The following CSMD1 variants were observed in gnomAD, a reference collection of about 807,000 sequenced individuals.
The protein encoded by CSMD1 is CUB and Sushi multiple domains 1.
Under a neutral mutation model 417.5 loss-of-function variants are expected in CSMD1, and 213 were observed. The ratio of observed to expected loss-of-function variants is 0.51; its 90% CI spans 0.46 to 0.57. The LOEUF (loss-of-function observed/expected upper bound fraction) is 0.57. Ranked by LOEUF, CSMD1 falls within the 20% of genes least tolerant of loss-of-function variation. The pLI is 0.00. For missense variants in CSMD1, 6,923 were observed against 4,529.7 expected (o/e 1.53, Z -15.17); for synonymous variants, 2,862 against 1,736.8 (o/e 1.65, Z -16.11).
intron 1 of CSMD1, among the ~76,000 whole-genome samples, chr8:4,842,848 C>A (rs1277559533): frequency 2.0e-5 from 3 of 152,134 alleles, no homozygotes; most frequent in Non-Finnish European, 2.9e-5. Flanking sequence ...GCTGTTAAAT[C>A]TTTTTTCAAC....
chr8:3,821,796 G>GCAAGCAAA (rs1801751862), intron 5 of CSMD1, among the ~76,000 whole-genome samples: 1 of 151,828 alleles, frequency 6.6e-6, no homozygotes, highest in South Asian at 2.1e-4. Flanking sequence ...AAACAAACAA[G>GCAAGCAAA]CAAACAAACA....
intron 5 of CSMD1, among the ~76,000 whole-genome samples, chr8:3,758,681 T>C (rs1372013130): frequency 1.3e-5 from 2 of 152,202 alleles, no homozygotes; most frequent in Non-Finnish European, 2.9e-5. Flanking sequence ...AAGAAAAGAA[T>C]TCAACTGAAT....
intron 5 of CSMD1, among the ~76,000 whole-genome samples, chr8:3,969,974 G>C (rs1052046943): frequency 4.8e-5 from 7 of 146,224 alleles, no homozygotes; most frequent in African/African-American, 1.5e-4. Flanking sequence ...ACTCAGGGAA[G>C]AGTTGTCAGT....
intron 58 of CSMD1, 69 bp downstream of exon 58, chr8:2,966,501 T>A: frequency 7.0e-7 from 1 of 1,424,780 alleles, no homozygotes; most frequent in Non-Finnish European, 9.6e-7. Flanking sequence ...CACCTTAAAG[T>A]CATTTTTTTT....
At chr8:3,476,370 C>T (rs981695089) in intron 11 of CSMD1, among the ~76,000 whole-genome samples, 3 of 152,104 alleles carry the variant, frequency 2.0e-5, no homozygotes, top group Non-Finnish European at 4.4e-5. Context: ...AAAGAATATT[C>T]ACAATGTTTC....
intron 3 of CSMD1, among the ~76,000 whole-genome samples, chr8:4,111,911 C>A (rs961063216): frequency 6.6e-6 from 1 of 152,100 alleles, no homozygotes; most frequent in East Asian, 1.9e-4. Flanking sequence ...AGCACATGTA[C>A]CCCAGAACTT....
At chr8:4,792,592 C>T (rs1219300808) in intron 1 of CSMD1, among the ~76,000 whole-genome samples, 1 of 152,172 alleles carries the variant, frequency 6.6e-6, no homozygotes, top group Non-Finnish European at 1.5e-5. Flanking sequence ...ATGCAAGAAA[C>T]TGTTGAATAG....
chr8:4,108,049 CAGAGACAG>C (rs1563133495), intron 3 of CSMD1, among the ~76,000 whole-genome samples: 3 of 2,228 alleles, frequency 1.3e-3, no homozygotes, highest in East Asian at 0.018. Context: ...GAAAGAGAGA[CAGAGACAG>C]AGACAGAGAC....
chr8:3,863,516 C>T (rs1023165773), intron 5 of CSMD1, among the ~76,000 whole-genome samples: 1 of 151,996 alleles, frequency 6.6e-6, no homozygotes, highest in Non-Finnish European at 1.5e-5. Flanking sequence ...ATATTGGGCT[C>T]CAACATTCAA....
chr8:3,267,274 C>A (rs1301268207), intron 26 of CSMD1, among the ~76,000 whole-genome samples: 1 of 152,202 alleles, frequency 6.6e-6, no homozygotes, highest in Non-Finnish European at 1.5e-5. Flanking sequence ...GGGAAACCCC[C>A]TGATAGCTTT....
intron 5 of CSMD1, among the ~76,000 whole-genome samples, chr8:3,875,985 T>A (rs1585125910): frequency 7.3e-6 from 1 of 137,584 alleles, no homozygotes; most frequent in African/African-American, 3.4e-5. Context: ...AAGGGCCACA[T>A]GTCTTACATT....
At chr8:3,364,092 A>G (rs1585055891) in intron 20 of CSMD1, among the ~76,000 whole-genome samples, 1 of 152,312 alleles carries the variant, frequency 6.6e-6, no homozygotes, top group South Asian at 2.1e-4. Flanking sequence ...TTTATGATAA[A>G]CCACAAAGTC....
intron 2 of CSMD1, among the ~76,000 whole-genome samples, chr8:4,452,675 G>A (rs1417828994): frequency 6.6e-6 from 1 of 152,060 alleles, no homozygotes; most frequent in East Asian, 1.9e-4. Flanking sequence ...ATTTTCTCCA[G>A]AAATAAAGTC....
At chr8:3,248,600 G>T (rs1017817211) in intron 26 of CSMD1, among the ~76,000 whole-genome samples, 1 of 133,242 alleles carries the variant, frequency 7.5e-6, no homozygotes. Context: ...CGCGATCTCA[G>T]CTCACTGCAA....
At chr8:3,005,906 C>T (rs9771551) in intron 52 of CSMD1, among the ~76,000 whole-genome samples, 11,887 of 151,300 alleles carry the variant, frequency 0.079, 512 homozygotes, top group Admixed American at 0.12. Flanking sequence ...AACATAGTGT[C>T]GGAAGTTCTG....
At chr8:3,512,463 C>T (rs1797116288) in intron 10 of CSMD1, among the ~76,000 whole-genome samples, 2 of 152,044 alleles carry the variant, frequency 1.3e-5, no homozygotes, top group African/African-American at 2.4e-5. Flanking sequence ...GTGCCCATGA[C>T]ACCTAAGGAT....
At chr8:4,673,063 T>C (rs1331730727) in intron 1 of CSMD1, among the ~76,000 whole-genome samples, 5 of 149,760 alleles carry the variant, frequency 3.3e-5, no homozygotes, top group African/African-American at 9.9e-5. Flanking sequence ...CATGCTGACA[T>C]GGCACACACA....
Position 4,874,780 on chromosome 8 carries a change from G to C in CSMD1, c.85+119552C>G, listed in dbSNP as rs894838685. On this transcript the variant is annotated intron_variant, in intron 1 of 69. Transcript: ENST00000635120. ...TATTTCATATAGACAGAAAGAAATAGAGATAGACTTTTTGTGTGTGTATAT... is the reference window on the plus strand; with the variant it reads ...TATTTCATATAGACAGAAAGAAATACAGATAGACTTTTTGTGTGTGTATAT... Among the ~76,000 whole-genome samples the C allele has an allele frequency of 5.3e-5, 8 of 150,778 alleles. No homozygotes were observed. In the East Asian group the frequency reaches 7.8e-4, roughly 15 times the overall value.
intron 2 of CSMD1, among the ~76,000 whole-genome samples, chr8:4,523,817 C>A (rs1428038096): frequency 6.6e-6 from 1 of 152,126 alleles, no homozygotes; most frequent in East Asian, 1.9e-4. Flanking sequence ...TACCATTAAA[C>A]CATGTCAACC....
Sources: gnomAD v4.1 joint callset for allele counts (sites outside exome capture counted in the v4.1 genomes callset) on GRCh38, gnomAD v4.1.1 for gene constraint, MANE v1.5 for transcripts, NCBI Gene and HGNC (gene_info 2026-07-23, HGNC 2026-07-21) for gene names.